Variants in DGKI observed in about 807,000 individuals in gnomAD.
The protein encoded by DGKI is diacylglycerol kinase iota.
A neutral mutation model predicts 147.5 loss-of-function variants in DGKI; 55 were observed. The ratio of observed to expected loss-of-function variants is 0.37; its 90% CI spans 0.30 to 0.47. The LOEUF is 0.47. Ranked by LOEUF, DGKI falls within the 20% of genes least tolerant of loss-of-function variation. DGKI has a pLI of 1.00. For synonymous variants in DGKI, 469 were observed against 477.1 expected (o/e 0.98, Z 0.22); for missense variants, 1,007 against 1,323.8 (o/e 0.76, Z 3.71).
intron 1 of DGKI, among the ~76,000 whole-genome samples, chr7:137,788,289 G>A (rs1796734763): frequency 6.6e-6 from 1 of 151,998 alleles, no homozygotes; most frequent in Non-Finnish European, 1.5e-5. Flanking sequence ...ACTTGATGGG[G>A]TTCATTTAAA....
In DGKI at chr7:137,663,275, T is replaced by C. The variant is rs1273932315; in HGVS notation, c.607-6735A>G. 3.3e-5 allele frequency among the ~76,000 whole-genome samples: 5 copies of C among 152,070 alleles called. No homozygotes were observed. The East Asian group carries it at 7.7e-4, about 23-fold the overall frequency. On this transcript the variant is annotated intron_variant, in intron 3 of 32. Transcript: ENST00000614521. ...AAGAGGAACTTGGTAGAAAAGGCCA[T>C]TCACAGGAGAGAGCCACACATGGCG...
rs1811100093 is a variant in DGKI, at chr7:137,383,218, ATTGGCAAAAT to A, written c.*7992_*8001del. The stretch of plus-strand genomic sequence containing the variant: ...TAGGAGATTTGGGAATTGGCTAACA[ATTGGCAAAAT>A]TGCTAGCCAATTTCCAAATCTCCTA... On this transcript the variant is annotated 3_prime_UTR_variant, in exon 33 of 33. Coordinates refer to ENST00000614521, the MANE Select transcript of DGKI (RefSeq NM_001321708.2). The A allele has an allele frequency of 6.6e-6, 1 of 151,048 alleles. No individual in the cohort carries two copies. The highest frequency in any genetic ancestry group is 1.5e-5 in the Non-Finnish European group (1 of 67,710). 9.4% of individuals were successfully genotyped at this position (151,048 alleles called of 1,614,324 possible). A position where few individuals can be genotyped will look rare whatever the true frequency, so the allele number is the denominator to read the frequency against.
intron 1 of DGKI, among the ~76,000 whole-genome samples, chr7:137,699,850 G>A (rs561224644): frequency 5.9e-5 from 9 of 152,074 alleles, no homozygotes; most frequent in East Asian, 1.9e-4. Flanking sequence ...TGATGGTATC[G>A]CTGACTAGAC....
intron 1 of DGKI, among the ~76,000 whole-genome samples, chr7:137,800,382 C>A (rs1797160929): frequency 6.6e-6 from 1 of 152,062 alleles, no homozygotes; most frequent in Non-Finnish European, 1.5e-5. Flanking sequence ...TTGGTGCTGT[C>A]CTCAGGATAG....
rs532614200 is a variant in DGKI at position 137,558,760 on chromosome 7, C to T, written c.1948-6192G>A. On this transcript the variant is annotated intron_variant, in intron 19 of 32. Coordinates refer to ENST00000614521, the MANE Select transcript of DGKI (RefSeq NM_001321708.2). ...CTGCTACAATCACTTTCAGAACTAG[C>T]GTTTTATGAAACTCCTGACCTCAGG... Among the ~76,000 whole-genome samples the T allele has an allele frequency of 1.6e-5, 2 of 126,550 alleles. 1 individual carries two copies. The highest frequency in any genetic ancestry group is 5.3e-4 in the South Asian group (2 of 3,766). The allele number at this position is 126,550 out of a possible 152,430, so 83.0% of individuals were successfully genotyped here.
chr7:137,843,742 A>C (rs1798620772), intron 1 of DGKI, among the ~76,000 whole-genome samples: 1 of 126,038 alleles, frequency 7.9e-6, no homozygotes, highest in Non-Finnish European at 1.7e-5. Flanking sequence ...CAGAAGGAGC[A>C]GATGAGACCC....
intron 5 of DGKI, among the ~76,000 whole-genome samples, chr7:137,651,610 T>C (rs962440030): frequency 2.6e-5 from 4 of 151,836 alleles, no homozygotes; most frequent in African/African-American, 9.7e-5. Context: ...AAGTTAGGAG[T>C]TGTCAGCCCA....
chr7:137,743,929 G>A (rs1231168967), intron 1 of DGKI, among the ~76,000 whole-genome samples: 1 of 150,576 alleles, frequency 6.6e-6, no homozygotes, highest in Non-Finnish European at 1.5e-5. Context: ...GTTGCAGTGA[G>A]CCGAGATAGC....
chr7:137,577,548 A>G (rs962154313), intron 16 of DGKI, among the ~76,000 whole-genome samples: 5 of 152,190 alleles, frequency 3.3e-5, no homozygotes, highest in Non-Finnish European at 7.4e-5. Context: ...GGGTCATTGG[A>G]AGGTTTATTT....
chr7:137,448,404 A>T (rs1297733757), intron 27 of DGKI, among the ~76,000 whole-genome samples: 1 of 151,574 alleles, frequency 6.6e-6, no homozygotes, highest in Admixed American at 6.6e-5. Context: ...AACACAAAAC[A>T]CAGGCAAAGA....
At chr7:137,416,057 T>C (rs1207978553) in intron 28 of DGKI, among the ~76,000 whole-genome samples, 1 of 151,986 alleles carries the variant, frequency 6.6e-6, no homozygotes, top group Non-Finnish European at 1.5e-5. Flanking sequence ...TATTGAAACA[T>C]TTCTCAGAAT....
At chr7:137,454,783 G>A (rs975965) in intron 27 of DGKI, 132,467 of 152,198 alleles carry the variant, frequency 0.87, 58,053 homozygotes, top group Non-Finnish European at 0.93. Context: ...GACCCTTTAG[G>A]AAAAGCCAAG....
chr7:137,830,045 A>G (rs7796821), intron 1 of DGKI, among the ~76,000 whole-genome samples: 35,390 of 152,176 alleles, frequency 0.23, 9,735 homozygotes, highest in African/African-American at 0.67. Context: ...GAACATTCTA[A>G]AAGGGCATGG....
At chr7:137,535,678 T>C (rs1347809626) in intron 20 of DGKI, among the ~76,000 whole-genome samples, 1 of 152,150 alleles carries the variant, frequency 6.6e-6, no homozygotes, top group Non-Finnish European at 1.5e-5. Context: ...AGACTATTTC[T>C]ACACCTATGA....
intron 1 of DGKI, among the ~76,000 whole-genome samples, chr7:137,756,523 G>A (rs561173498): frequency 6.6e-6 from 1 of 152,182 alleles, no homozygotes; most frequent in Admixed American, 6.5e-5. Flanking sequence ...TCCAATTAAG[G>A]AATTCACCAA....
At position 137,655,066 on chromosome 7, in the gene DGKI, C is replaced by A. The variant is rs377569640; in HGVS notation, c.682-278G>T. On this transcript the variant is annotated intron_variant, in intron 4 of 32. Transcript: ENST00000614521. ...GCTCTTACACCATAAATTTGAGAAA[C>A]TGAGATAAGAAAGAGCCAGAGGAAA... is the stretch of plus-strand genomic sequence containing the variant. Among the ~76,000 whole-genome samples, 28 of 152,230 alleles carry A rather than the reference C, an allele frequency of 1.8e-4. 1 individual carries two copies. The South Asian group carries it at 5.0e-3, about 27-fold the overall frequency.
chr7:137,411,793 A>T (rs1193233776), intron 29 of DGKI, among the ~76,000 whole-genome samples: 1 of 152,198 alleles, frequency 6.6e-6, no homozygotes, highest in Admixed American at 6.5e-5. Context: ...TAAAACCACG[A>T]CAAGGAAAGA....
chr7:137,489,082 C>A (rs530086143), intron 21 of DGKI, among the ~76,000 whole-genome samples: 14 of 152,222 alleles, frequency 9.2e-5, no homozygotes, highest in Non-Finnish European at 1.8e-4. Flanking sequence ...TCCCACCACC[C>A]CATTCCCTTA....
At chr7:137,431,928 T>C (rs1463721764) in intron 28 of DGKI, among the ~76,000 whole-genome samples, 3 of 152,210 alleles carry the variant, frequency 2.0e-5, no homozygotes, top group Non-Finnish European at 4.4e-5. Flanking sequence ...TCATGTTGAA[T>C]TGTAATCCCC....
Sources: allele counts gnomAD v4.1 joint callset (sites outside exome capture counted in the v4.1 genomes callset), GRCh38; gene constraint gnomAD v4.1.1; transcripts MANE v1.5; gene names NCBI Gene and HGNC (gene_info 2026-07-23, HGNC 2026-07-21).